The following CACNA1H variants were observed in gnomAD, a reference collection of about 807,000 sequenced individuals.
CACNA1H encodes calcium voltage-gated channel subunit alpha1 H.
CACNA1H carries 149 observed loss-of-function variants against 192.5 expected under a neutral mutation model. That is an observed-to-expected ratio of 0.77 (90% CI 0.68 to 0.89). The LOEUF is 0.89. CACNA1H is among the 40% of genes least tolerant of loss of function. CACNA1H has a pLI of 0.00. For synonymous variants in CACNA1H, 2,202 were observed against 1,475.2 expected, an observed-to-expected ratio of 1.49 and a Z score of -11.29; for missense variants, 4,257 against 3,423.5, an observed-to-expected ratio of 1.24 and a Z score of -6.08.
rs3751886 is a variant in CACNA1H, at chr16:1,219,003, A to G, written c.5921A>G (p.Glu1974Gly). The G allele has an allele frequency of 0.028, 43,054 of 1,550,202 alleles. 1,192 individuals are homozygous for G. The highest frequency in any genetic ancestry group is 0.13 in the African/African-American group (9,360 of 73,072). The change falls in exon 34 of 35, where the codon GAG becomes GGG. Residue 1974 changes from glutamate (E) to glycine (G), a missense_variant. By Grantham distance (98) the Glu-to-Gly change is moderately conservative. Transcript: ENST00000348261. ...SVASVHSPPA[E>G]SCASLQIPLA... The stretch of plus-strand genomic sequence containing the variant: ...GCCTCTGTGCACTCTCCGCCCGCAG[A>G]GTCCTGTGCCTCCCTCCAGATCCCA...
At chr16:1,195,648 GA>G in intron 4 of CACNA1H, 83 bp downstream of exon 4, 3 of 1,445,324 alleles carry the variant, frequency 2.1e-6, no homozygotes, top group Non-Finnish European at 2.8e-6. Flanking sequence ...CACCTGTAAA[GA>G]AAAATGGGAG....
intron 2 of CACNA1H, among the ~76,000 whole-genome samples, chr16:1,194,056 C>T (rs955915031): frequency 1.3e-5 from 2 of 152,058 alleles, no homozygotes; most frequent in African/African-American, 4.8e-5. Context: ...GCAGGCCTGC[C>T]AGGGGTGAGG....
At chr16:1,189,492 C>A (rs1966396611) in intron 2 of CACNA1H, among the ~76,000 whole-genome samples, 1 of 139,990 alleles carries the variant, frequency 7.1e-6, no homozygotes, top group African/African-American at 2.6e-5. Flanking sequence ...TCGTGGCTCA[C>A]TGTAGCTTCC....
intron 26 of CACNA1H, among the ~76,000 whole-genome samples, chr16:1,212,751 C>T (rs374685312): frequency 1.3e-5 from 2 of 152,226 alleles, no homozygotes; most frequent in Non-Finnish European, 2.9e-5. Flanking sequence ...CCTGCATCTC[C>T]GCCGTGCGCC....
At chr16:1,208,957 A>G in intron 16 of CACNA1H, 75 bp from the exon 17 acceptor site, 3 of 1,345,194 alleles carry the variant, frequency 2.2e-6, no homozygotes, top group South Asian at 3.5e-5. Context: ...GCTTGCACAC[A>G]GTGGGTGCTC....
In CACNA1H at chr16:1,210,430, C is replaced by T. The variant is rs775711531; in HGVS notation, c.3906C>T (p.Val1302=). Residue 1302 remains valine (V), a synonymous_variant, in exon 19 of 35, where the codon GTC becomes GTT. Coordinates refer to ENST00000348261, the MANE Select transcript of CACNA1H (RefSeq NM_021098.3). The stretch of plus-strand genomic sequence containing the variant: ...AGATGTTTGATCACGTGGTCCTCGT[C>T]TTCATCTTCCTCAACTGCGTCACCA... ...THKMFDHVVL[V]FIFLNCVTIA... is the part of the protein sequence containing the mutation. 4.8e-5 allele frequency: 77 copies of T among 1,601,140 alleles called. No homozygotes were observed. Among genetic ancestry groups the T allele is most frequent in the Non-Finnish European group, 6.5e-5 (76 of 1,173,880 alleles).
intron 2 of CACNA1H, among the ~76,000 whole-genome samples, chr16:1,165,672 A>G (rs1159851024): frequency 6.6e-6 from 1 of 152,134 alleles, no homozygotes; most frequent in African/African-American, 2.4e-5. Context: ...AGGTGGCTGC[A>G]CGCTGGGGTC....
At chr16:1,165,680 G>A (rs968540928) in intron 2 of CACNA1H, among the ~76,000 whole-genome samples, 3 of 152,210 alleles carry the variant, frequency 2.0e-5, no homozygotes, top group African/African-American at 7.2e-5. Flanking sequence ...GCACGCTGGG[G>A]TCACCCCTCC....
At chr16:1,190,340 C>T (rs573092360) in intron 2 of CACNA1H, among the ~76,000 whole-genome samples, 28 of 152,378 alleles carry the variant, frequency 1.8e-4, no homozygotes, top group African/African-American at 6.3e-4. Flanking sequence ...ATTAAGCCTC[C>T]AGAAGTCACC....
chr16:1,212,310 C>T (rs111255867), intron 25 of CACNA1H, 172 bp downstream of exon 25: 143 of 1,167,864 alleles, frequency 1.2e-4, no homozygotes, highest in Non-Finnish European at 1.5e-4. Flanking sequence ...AGAGGGCCGT[C>T]GGGGAGCCCG....
rs760796226 is a variant in CACNA1H, at chr16:1,205,140, G to A, written c.2478G>A (p.Glu826=). 3.1e-6 allele frequency: 5 copies of A among 1,612,640 alleles called. No individual in the cohort carries two copies. The highest frequency in any genetic ancestry group is 4.2e-6 in the Non-Finnish European group (5 of 1,179,778). The change falls in exon 11 of 35, where the codon GAG becomes GAA. Residue 826 remains glutamate, a synonymous_variant. Transcript: ENST00000348261. ...CCGAGGAGCTGACTAATGCTCTGGAGATCAGCAACATCGTGTTCACCAGCA... is the reference window on the plus strand; with the variant it reads ...CCGAGGAGCTGACTAATGCTCTGGAAATCAGCAACATCGTGTTCACCAGCA... ...EQPEELTNAL[E]ISNIVFTSMF...
At chr16:1,154,570 A>G (rs987854218) in intron 2 of CACNA1H, among the ~76,000 whole-genome samples, 8 of 151,546 alleles carry the variant, frequency 5.3e-5, no homozygotes, top group Non-Finnish European at 8.8e-5. Context: ...TTTTCCGTGG[A>G]GAGAGGCGGT....
intron 16 of CACNA1H, 119 bp from the exon 17 acceptor site, chr16:1,208,913 C>G: frequency 8.9e-7 from 1 of 1,120,906 alleles, no homozygotes; most frequent in Non-Finnish European, 1.2e-6. Flanking sequence ...CCGTGCCTCC[C>G]TGGCGGGGCT....
At chr16:1,181,766 C>T (rs772711124) in intron 2 of CACNA1H, among the ~76,000 whole-genome samples, 14 of 152,160 alleles carry the variant, frequency 9.2e-5, no homozygotes, top group Non-Finnish European at 2.1e-4. Context: ...GGGACCCGCC[C>T]TCATCTCAGG....
At chr16:1,211,387 G>A in intron 22 of CACNA1H, 93 bp downstream of exon 22, 1 of 1,606,814 alleles carries the variant, frequency 6.2e-7, no homozygotes, top group South Asian at 1.1e-5. Context: ...GCGGGACGGG[G>A]AGGGACAGCT....
At position 1,156,115 on chromosome 16, in the gene CACNA1H, G is replaced by A. The variant is rs561905120; in HGVS notation, c.299+2079G>A. Among the ~76,000 whole-genome samples, 3 of 152,270 alleles carry A rather than the reference G, an allele frequency of 2.0e-5. No homozygotes were observed. In the East Asian group the frequency reaches 5.8e-4, roughly 29 times the overall value. Reference sequence around the variant, plus strand: ...CCTTCGATGGCATCCCTTGCTTGGAGCACTGGGTCTGCCTGCGGCACGGCA... The same window carrying A: ...CCTTCGATGGCATCCCTTGCTTGGAACACTGGGTCTGCCTGCGGCACGGCA... On this transcript the variant is annotated intron_variant, in intron 2 of 34. Coordinates refer to ENST00000348261, the MANE Select transcript of CACNA1H (RefSeq NM_021098.3).
chr16:1,182,678 C>G (rs1205066193), intron 2 of CACNA1H, among the ~76,000 whole-genome samples: 1 of 152,134 alleles, frequency 6.6e-6, no homozygotes, highest in African/African-American at 2.4e-5. Context: ...GCAGGCTGCA[C>G]ATTGAGACTC....
In CACNA1H at chr16:1,200,256, G is replaced by C. The variant is rs374916216; in HGVS notation, c.804G>C (p.Arg268Ser). Residue 268 changes from arginine (R) to serine (S), a missense_variant and splice_region_variant, in exon 7 of 35, where the codon AGG (arginine) becomes AGC (serine). Transcript: ENST00000348261. ...TGGCCCTGGCTGTGCCCATCCCCAG[G>C]AACAACAACCTGACCTTCCTGCGGC... ...NRCFLDSAFV[R>S]NNNLTFLRPY... 1 of 1,593,908 alleles carries C rather than the reference G, an allele frequency of 6.3e-7. No homozygotes were observed. Among genetic ancestry groups the C allele is most frequent in the Non-Finnish European group, 8.6e-7 (1 of 1,169,510 alleles).
In CACNA1H at chr16:1,211,780, T is replaced by A. The variant is rs1969479646; in HGVS notation, c.4541T>A (p.Leu1514Gln). The A allele has an allele frequency of 1.2e-6, 2 of 1,612,688 alleles. No homozygotes were observed. Among genetic ancestry groups the A allele is most frequent in the Non-Finnish European group, 1.7e-6 (2 of 1,179,730 alleles). The change falls in exon 24 of 35, where the codon CTG becomes CAG. Residue 1514 changes from leucine to glutamine, a missense_variant. By Grantham distance (113) the Leu-to-Gln change is moderately radical (BLOSUM62 -2). Coordinates refer to ENST00000348261, the MANE Select transcript of CACNA1H (RefSeq NM_021098.3). Reference sequence around the variant, plus strand: ...TGGGTGAACATCATGTACGACGGGCTGGATGCCGTGGGTGTCGACCAGCAG... The same window carrying A: ...TGGGTGAACATCATGTACGACGGGCAGGATGCCGTGGGTGTCGACCAGCAG... Reference protein sequence around the residue: ...DGWVNIMYDGLDAVGVDQQPV... With the variant: ...DGWVNIMYDGQDAVGVDQQPV...
Sources: gnomAD v4.1 joint callset for allele counts (sites outside exome capture counted in the v4.1 genomes callset) on GRCh38, gnomAD v4.1.1 for gene constraint, MANE v1.5 for transcripts, NCBI Gene and HGNC (gene_info 2026-07-23, HGNC 2026-07-21) for gene names.